Variants in ARFGAP3 observed in about 807,000 individuals in gnomAD.
ARFGAP3 encodes the protein ARF GTPase activating protein 3.
ARFGAP3 carries 72 observed loss-of-function variants against 75.0 expected under a neutral mutation model. That is an observed-to-expected ratio of 0.96 (90% confidence interval 0.79 to 1.17). The LOEUF (loss-of-function observed/expected upper bound fraction) is 1.17. Ranked by LOEUF, ARFGAP3 falls within the 50% of genes most tolerant of loss-of-function variation. The pLI, the probability that ARFGAP3 is intolerant of heterozygous loss-of-function variation, is 0.00. For missense variants in ARFGAP3, 620 were observed against 626.6 expected, an observed-to-expected ratio of 0.99 and a Z score of 0.11; for synonymous variants, 221 against 217.9, an observed-to-expected ratio of 1.01 and a Z score of -0.13.
intron 3 of ARFGAP3, among the ~76,000 whole-genome samples, chr22:42,836,043 C>CTCCAT (rs1323569802): frequency 6.8e-6 from 1 of 146,958 alleles, no homozygotes; most frequent in East Asian, 2.0e-4. Context: ...AATGCAGTGG[C>CTCCAT]TCCATCTCGG....
At chr22:42,852,159 A>T (rs1034894020) in intron 1 of ARFGAP3, among the ~76,000 whole-genome samples, 1 of 151,782 alleles carries the variant, frequency 6.6e-6, no homozygotes, top group South Asian at 2.1e-4. Flanking sequence ...AGCTCAAGCA[A>T]TCCTCCCACC....
intron 1 of ARFGAP3, among the ~76,000 whole-genome samples, chr22:42,851,326 G>A (rs1328627784): frequency 6.6e-6 from 1 of 152,262 alleles, no homozygotes; most frequent in Non-Finnish European, 1.5e-5. Context: ...CCAAGTTTGA[G>A]AATCACTTCT....
At chr22:42,812,667 C>T (rs539607615) in intron 11 of ARFGAP3, among the ~76,000 whole-genome samples, 21 of 151,840 alleles carry the variant, frequency 1.4e-4, no homozygotes, top group Middle Eastern at 3.4e-3. Flanking sequence ...GAAAACAAAA[C>T]GAAACAAAAA....
rs1926299482 is a variant in ARFGAP3 at position 42,831,744 on chromosome 22, T to C, written c.478-108A>G. 3 of 1,541,214 alleles carry C rather than the reference T, an allele frequency of 1.9e-6. No homozygotes were observed. In the Admixed American group the frequency reaches 6.6e-5, roughly 34 times the overall value. Reference sequence around the variant, plus strand: ...ACAATTTAAACAGCCACATTCTGAGTCCCTGTTAATGGAAAGGAAGGCATA... The same window carrying C: ...ACAATTTAAACAGCCACATTCTGAGCCCCTGTTAATGGAAAGGAAGGCATA... On this transcript the variant is annotated intron_variant, in intron 5 of 15. Transcript: ENST00000263245.
Position 42,822,327 on chromosome 22 carries a change from G to A in ARFGAP3, c.755C>T (p.Ala252Val), listed in dbSNP as rs746663640. 1.8e-5 allele frequency: 29 copies of A among 1,613,860 alleles called. No individual in the cohort carries two copies. Among genetic ancestry groups the A allele is most frequent in the South Asian group, 7.7e-5 (7 of 91,066 alleles). ...FNEIEKQAQAADKMKEQEDLA... is the reference protein window; with the variant it reads ...FNEIEKQAQAVDKMKEQEDLA... ...GTCTTCCTGCTCCTTCATTTTATCCGCAGCTTGAGCTTGTTTTTCAATTTC... is the reference window on the plus strand; with the variant it reads ...GTCTTCCTGCTCCTTCATTTTATCCACAGCTTGAGCTTGTTTTTCAATTTC... Residue 252 changes from alanine to valine, a missense_variant, in exon 9 of 16, where the codon GCG (alanine) becomes GTG (valine). Ala to Val is a moderately conservative substitution (Grantham distance 64). Coordinates refer to ENST00000263245, the MANE Select transcript of ARFGAP3 (RefSeq NM_014570.5).
chr22:42,834,411 C>T (rs1926431954), intron 4 of ARFGAP3, 86 bp from the exon 5 acceptor site: 1 of 1,545,786 alleles, frequency 6.5e-7, no homozygotes, highest in Non-Finnish European at 8.7e-7. Flanking sequence ...CCTTAGAGAC[C>T]TGTTTCCTAA....
intron 1 of ARFGAP3, chr22:42,853,496 G>C (rs1325472208): frequency 4.6e-6 from 1 of 217,658 alleles, no homozygotes; most frequent in Non-Finnish European, 9.9e-6. Flanking sequence ...TGCCACCTCT[G>C]AAAGGGGCAC....
intron 14 of ARFGAP3, among the ~76,000 whole-genome samples, chr22:42,805,107 G>C (rs190807766): frequency 2.1e-3 from 318 of 152,260 alleles, no homozygotes; most frequent in African/African-American, 7.3e-3. Flanking sequence ...CGGGGGCAGG[G>C]GAGTGAGTTT....
intron 2 of ARFGAP3, among the ~76,000 whole-genome samples, chr22:42,841,819 G>A (rs1926792117): frequency 6.6e-6 from 1 of 151,728 alleles, no homozygotes; most frequent in African/African-American, 2.4e-5. Context: ...AGAAGCTTTA[G>A]GTCCACCAAA....
chr22:42,831,341 G>GTT (rs150841532), intron 6 of ARFGAP3, among the ~76,000 whole-genome samples: 24 of 140,894 alleles, frequency 1.7e-4, no homozygotes, highest in Admixed American at 3.6e-4. Flanking sequence ...TTAGGTTTCA[G>GTT]TTTTTTTTTT....
chr22:42,839,200 T>G (rs76954242), intron 3 of ARFGAP3, among the ~76,000 whole-genome samples: 3,647 of 152,062 alleles, frequency 0.024, 144 homozygotes, highest in African/African-American at 0.085. Flanking sequence ...AATTATAAAT[T>G]AATTGAATAT....
Position 42,828,011 on chromosome 22 carries a change from G to A in ARFGAP3, c.566-1012C>T, listed in dbSNP as rs1041350996. Among the ~76,000 whole-genome samples, 11 of 152,232 alleles carry A rather than the reference G, an allele frequency of 7.2e-5. No individual in the cohort carries two copies. The South Asian group carries it at 2.1e-3, about 29-fold the overall frequency. On this transcript the variant is annotated intron_variant, in intron 6 of 15. Transcript: ENST00000263245. The stretch of plus-strand genomic sequence containing the variant: ...AATAGATAAAGTGTAGGCTGGGCTT[G>A]TGGTGGCTTATGCCTGTAATCCCAG...
chr22:42,803,039 G>C (rs1453555530), intron 14 of ARFGAP3, among the ~76,000 whole-genome samples: 1 of 151,954 alleles, frequency 6.6e-6, no homozygotes, highest in Non-Finnish European at 1.5e-5. Flanking sequence ...TCTGTTGCCC[G>C]GGCTGGAGTA....
chr22:42,850,571 CAAAAAAA>C (rs57841993), intron 1 of ARFGAP3, among the ~76,000 whole-genome samples: 4 of 57,590 alleles, frequency 6.9e-5, no homozygotes, highest in Non-Finnish European at 9.2e-5. Flanking sequence ...ACCCTGCTAT[CAAAAAAA>C]AAAAAAAAAA....
intron 6 of ARFGAP3, among the ~76,000 whole-genome samples, chr22:42,827,366 T>C (rs573916024): frequency 1.3e-5 from 2 of 152,138 alleles, no homozygotes; most frequent in African/African-American, 4.8e-5. Context: ...TTGTTTTGTT[T>C]TGTTTTTTTT....
At chr22:42,835,534 A>G in intron 3 of ARFGAP3, 41 bp from the exon 4 acceptor site, 1 of 1,606,672 alleles carries the variant, frequency 6.2e-7, no homozygotes, top group Non-Finnish European at 8.5e-7. Context: ...TCGTAAAACT[A>G]CGTATGGCCA....
At chr22:42,837,267 AC>A (rs957870401) in intron 3 of ARFGAP3, among the ~76,000 whole-genome samples, 2 of 152,266 alleles carry the variant, frequency 1.3e-5, no homozygotes. Flanking sequence ...TTCGAGACCA[AC>A]CTGGGAACCA....
At chr22:42,845,410 A>G (rs1926969033) in intron 2 of ARFGAP3, among the ~76,000 whole-genome samples, 1 of 152,058 alleles carries the variant, frequency 6.6e-6, no homozygotes, top group African/African-American at 2.4e-5. Flanking sequence ...CTGTAATCCC[A>G]GCTACTTAGG....
Position 42,796,595 on chromosome 22 carries a change from TATTC to T in ARFGAP3, c.*989_*992del, listed in dbSNP as rs1241654063. The T allele has an allele frequency of 6.6e-6, 1 of 152,252 alleles. No homozygotes were observed. The highest frequency in any genetic ancestry group is 1.5e-5 in the Non-Finnish European group (1 of 68,046). 9.4% of individuals were successfully genotyped at this position (152,252 alleles called of 1,614,324 possible). ...GAGCTTTTAAGAAAGATTCACAAAA[TATTC>T]ATTCAAAACCACATTTTTGGCTTAT... On this transcript the variant is annotated 3_prime_UTR_variant, in exon 16 of 16. Coordinates refer to ENST00000263245, the MANE Select transcript of ARFGAP3 (RefSeq NM_014570.5).
Sources: allele counts gnomAD v4.1 joint callset (sites outside exome capture counted in the v4.1 genomes callset), GRCh38; gene constraint gnomAD v4.1.1; transcripts MANE v1.5; gene names NCBI Gene and HGNC (gene_info 2026-07-23, HGNC 2026-07-21).